The following GALNTL6 variants were observed in gnomAD, a reference collection of about 807,000 sequenced individuals.
The protein encoded by GALNTL6 is polypeptide N-acetylgalactosaminyltransferase-like 6.
Under a neutral mutation model 73.7 loss-of-function variants are expected in GALNTL6, and 46 were observed. The observed-to-expected ratio is 0.62, with a 90% CI of 0.49 to 0.80. The LOEUF is 0.80. Ranked by LOEUF, GALNTL6 falls within the 30% of genes least tolerant of loss-of-function variation. The pLI is 0.00. For synonymous variants in GALNTL6, 259 were observed against 263.7 expected, an observed-to-expected ratio of 0.98 and a Z score of 0.17; for missense variants, 604 against 755.0, an observed-to-expected ratio of 0.80 and a Z score of 2.34.
intron 2 of GALNTL6, among the ~76,000 whole-genome samples, chr4:172,160,828 G>C (rs1734437280): frequency 6.6e-6 from 1 of 151,456 alleles, no homozygotes; most frequent in Non-Finnish European, 1.5e-5. Context: ...ACATAGGCTG[G>C]GGAGTGGTAT....
At chr4:172,533,299 C>T (rs1173752460) in intron 5 of GALNTL6, among the ~76,000 whole-genome samples, 7 of 149,418 alleles carry the variant, frequency 4.7e-5, no homozygotes, top group South Asian at 2.1e-4. Flanking sequence ...AGGCGTGAGC[C>T]GCCGTGCCCG....
chr4:172,166,795 A>G (rs1734638339), intron 2 of GALNTL6, among the ~76,000 whole-genome samples: 1 of 152,182 alleles, frequency 6.6e-6, no homozygotes. Flanking sequence ...TTTGTACATA[A>G]TCTACATTAA....
intron 2 of GALNTL6, among the ~76,000 whole-genome samples, chr4:171,832,750 T>G (rs1417954985): frequency 6.6e-6 from 1 of 151,752 alleles, no homozygotes; most frequent in Admixed American, 6.6e-5. Flanking sequence ...TAAGATTGAT[T>G]TTTATTAATT....
At chr4:172,523,216 G>A (rs1161083230) in intron 5 of GALNTL6, among the ~76,000 whole-genome samples, 1 of 152,132 alleles carries the variant, frequency 6.6e-6, no homozygotes, top group African/African-American at 2.4e-5. Context: ...ATGCATTTAT[G>A]CATTCTACTG....
intron 2 of GALNTL6, among the ~76,000 whole-genome samples, chr4:171,949,104 G>A (rs915561350): frequency 1.6e-4 from 24 of 152,074 alleles, no homozygotes; most frequent in African/African-American, 5.3e-4. Context: ...CTGGCAGCCG[G>A]TTTCTCTGCT....
At chr4:172,606,170 A>G (rs1219880412) in intron 5 of GALNTL6, among the ~76,000 whole-genome samples, 4 of 152,202 alleles carry the variant, frequency 2.6e-5, no homozygotes, top group African/African-American at 7.2e-5. Context: ...GTTTGAACAT[A>G]TAATAGCACT....
intron 2 of GALNTL6, among the ~76,000 whole-genome samples, chr4:171,848,534 T>C (rs1200459522): frequency 2.0e-5 from 3 of 152,230 alleles, no homozygotes; most frequent in African/African-American, 7.2e-5. Flanking sequence ...GTTTTGTCTA[T>C]CTTGAAAATC....
intron 5 of GALNTL6, among the ~76,000 whole-genome samples, chr4:172,488,616 AG>A (rs1237183724): frequency 6.6e-6 from 1 of 152,214 alleles, no homozygotes; most frequent in Non-Finnish European, 1.5e-5. Context: ...CCTTCATTTT[AG>A]TACCCACTAA....
chr4:171,989,903 G>T (rs1191138265), intron 2 of GALNTL6, among the ~76,000 whole-genome samples: 1 of 152,124 alleles, frequency 6.6e-6, no homozygotes, highest in East Asian at 1.9e-4. Context: ...TATCTGATTT[G>T]GGATAAAGAA....
At chr4:172,143,497 T>C (rs546953524) in intron 2 of GALNTL6, among the ~76,000 whole-genome samples, 7 of 152,152 alleles carry the variant, frequency 4.6e-5, no homozygotes, top group African/African-American at 1.4e-4. Flanking sequence ...GATTTTTGTT[T>C]TGTTTTGTTT....
At chr4:172,193,354 T>C (rs1457780257) in intron 2 of GALNTL6, among the ~76,000 whole-genome samples, 3 of 152,178 alleles carry the variant, frequency 2.0e-5, no homozygotes, top group African/African-American at 7.2e-5. Context: ...CAGCATTCAC[T>C]GGTGATGCCT....
chr4:172,176,337 C>CAAAAAAAAAAAAAAAAAAAAAAAAAA, intron 2 of GALNTL6, among the ~76,000 whole-genome samples: 4 of 31,366 alleles, frequency 1.3e-4, no homozygotes, highest in African/African-American at 2.8e-4. Flanking sequence ...GACTCCGTCT[C>CAAAAAAAAAAAAAAAAAAAAAAAAAA]AAAAAAAAAA....
intron 5 of GALNTL6, among the ~76,000 whole-genome samples, chr4:172,365,136 C>T (rs1026600887): frequency 1.3e-5 from 2 of 152,174 alleles, no homozygotes; most frequent in East Asian, 3.9e-4. Context: ...CAGGAGCACA[C>T]TCTCTTAAAG....
At chr4:172,695,224 CA>C (rs1401064877) in intron 5 of GALNTL6, among the ~76,000 whole-genome samples, 23 of 151,850 alleles carry the variant, frequency 1.5e-4, no homozygotes, top group Non-Finnish European at 3.1e-4. Context: ...TGAACAACAA[CA>C]AAAAAGATGT....
intron 5 of GALNTL6, among the ~76,000 whole-genome samples, chr4:172,482,143 G>A (rs1219420965): frequency 6.6e-6 from 1 of 152,178 alleles, no homozygotes; most frequent in Non-Finnish European, 1.5e-5. Flanking sequence ...CCCAGGGCCG[G>A]TGGCGCCGGC....
At chr4:171,952,143 A>G (rs1481620932) in intron 2 of GALNTL6, among the ~76,000 whole-genome samples, 2 of 152,032 alleles carry the variant, frequency 1.3e-5, no homozygotes, top group Middle Eastern at 3.2e-3. Flanking sequence ...CAGATGGTGC[A>G]GGGATATTAA....
At chr4:172,032,949 G>A (rs1741813379) in intron 2 of GALNTL6, among the ~76,000 whole-genome samples, 1 of 151,766 alleles carries the variant, frequency 6.6e-6, no homozygotes, top group African/African-American at 2.4e-5. Flanking sequence ...GACATATACT[G>A]TATTCTTATA....
intron 5 of GALNTL6, among the ~76,000 whole-genome samples, chr4:172,408,834 T>G (rs1411054912): frequency 6.6e-6 from 1 of 151,964 alleles, no homozygotes; most frequent in Non-Finnish European, 1.5e-5. Flanking sequence ...ACTTTAAGAT[T>G]TACACCAACA....
intron 5 of GALNTL6, among the ~76,000 whole-genome samples, chr4:172,528,317 AAAATATATAT>A (rs1336010771): frequency 6.7e-5 from 8 of 118,532 alleles, no homozygotes; most frequent in African/African-American, 1.7e-4. Context: ...TGCTAGAAAT[AAAATATATAT>A]ATATATATAT....
Sources: allele counts gnomAD v4.1 joint callset (sites outside exome capture counted in the v4.1 genomes callset), GRCh38; gene constraint gnomAD v4.1.1; transcripts MANE v1.5; gene names NCBI Gene and HGNC (gene_info 2026-07-23, HGNC 2026-07-21).